The following CPM variants were observed in gnomAD, a reference collection of about 807,000 sequenced individuals.
CPM encodes renal carboxypeptidase.
A neutral mutation model predicts 46.4 loss-of-function variants in CPM; 35 were observed. The observed-to-expected ratio is 0.75, with a 90% confidence interval of 0.58 to 1.00. The LOEUF (loss-of-function observed/expected upper bound fraction) is 1.00. CPM is among the 50% of genes least tolerant of loss of function. CPM has a pLI of 0.00. For missense variants in CPM, 422 were observed against 530.4 expected, an observed-to-expected ratio of 0.80 and a Z score of 2.01; for synonymous variants, 195 against 195.3, an observed-to-expected ratio of 1.00 and a Z score of 0.01.
At chr12:68,951,346 CT>C (rs1311392173) in intron 1 of CPM, among the ~76,000 whole-genome samples, 2 of 152,154 alleles carry the variant, frequency 1.3e-5, no homozygotes, top group Non-Finnish European at 2.9e-5. Context: ...CCTGATCATG[CT>C]TAGGGTTTAG....
At chr12:68,864,959 G>A (rs1007454247) in intron 7 of CPM, among the ~76,000 whole-genome samples, 20 of 152,178 alleles carry the variant, frequency 1.3e-4, no homozygotes, top group Admixed American at 2.6e-4. Context: ...AAGGTACAGT[G>A]GGCAATGACT....
chr12:68,871,048 C>T (rs976322244), intron 4 of CPM, among the ~76,000 whole-genome samples: 2 of 152,208 alleles, frequency 1.3e-5, no homozygotes, highest in Non-Finnish European at 2.9e-5. Context: ...AAAGCAAACA[C>T]ATATATGTAA....
rs934166312 is a variant in CPM at position 68,876,919 on chromosome 12, TGAGA to T, written c.259-4967_259-4964del. On this transcript the variant is annotated intron_variant, in intron 3 of 8. Transcript: ENST00000551568. The stretch of plus-strand genomic sequence containing the variant: ...GTGTGTGTGTGTGTGTGTGTGTGTG[TGAGA>T]GAGAGAGAGAGAGAGAATCTTCAGC... 2.1e-4 allele frequency among the ~76,000 whole-genome samples: 14 copies of T among 66,088 alleles called. No individual in the cohort carries two copies. In the East Asian group the frequency reaches 3.4e-3, roughly 16 times the overall value. The allele number at this position is 66,088 out of a possible 152,430, so 43.4% of individuals were successfully genotyped here. A position where few individuals can be genotyped will look rare whatever the true frequency, so the allele number is the denominator to read the frequency against.
intron 2 of CPM, among the ~76,000 whole-genome samples, chr12:68,895,986 T>C (rs7968202): frequency 0.46 from 70,282 of 151,876 alleles, 17,371 homozygotes; most frequent in Non-Finnish European, 0.55. Context: ...CCCCATGGCA[T>C]TGAGATGGCA....
chr12:68,849,441 GTC>G (rs1232144780), downstream of CPM: 1 of 145,376 alleles, frequency 6.9e-6, no homozygotes, highest in Non-Finnish European at 1.5e-5. Flanking sequence ...TTTTGAGACA[GTC>G]TCTCACTCCA....
intron 2 of CPM, among the ~76,000 whole-genome samples, chr12:68,891,747 G>T (rs571951144): frequency 6.6e-6 from 1 of 151,590 alleles, no homozygotes; most frequent in African/African-American, 2.4e-5. Context: ...GTTTTTTTTT[G>T]AGGCAGAGTC....
At chr12:68,877,950 AG>A (rs1886031387) in intron 3 of CPM, among the ~76,000 whole-genome samples, 1 of 152,258 alleles carries the variant, frequency 6.6e-6, no homozygotes, top group African/African-American at 2.4e-5. Flanking sequence ...TATACTTAGA[AG>A]GTGTGTGAAA....
chr12:68,878,199 C>T (rs1347605619), intron 3 of CPM, among the ~76,000 whole-genome samples: 7 of 152,222 alleles, frequency 4.6e-5, no homozygotes, highest in East Asian at 1.9e-4. Context: ...CTCCATCTTG[C>T]GTCTAACCTT....
chr12:68,842,768 T>C (rs1883897923), intron 5 of CPM: 1 of 192,858 alleles, frequency 5.2e-6, no homozygotes. Context: ...AACCAACAGT[T>C]TGTATGAAAA....
chr12:68,899,092 G>C (rs1168150504), intron 2 of CPM, among the ~76,000 whole-genome samples: 1 of 152,192 alleles, frequency 6.6e-6, no homozygotes, highest in African/African-American at 2.4e-5. Flanking sequence ...CAGCAGAAAT[G>C]TATGTGCCAG....
chr12:68,944,427 A>C (rs1173861422), intron 1 of CPM, among the ~76,000 whole-genome samples: 1 of 152,140 alleles, frequency 6.6e-6, no homozygotes, highest in East Asian at 1.9e-4. Context: ...CTTTTTAGAC[A>C]GTTTCTTGCT....
Position 68,878,712 on chromosome 12 carries a change from C to T in CPM, c.259-6756G>A, listed in dbSNP as rs1020248658. On this transcript the variant is annotated intron_variant, in intron 3 of 8. Coordinates refer to ENST00000551568, the MANE Select transcript of CPM (RefSeq NM_198320.5). ...TTTAGTTGGCTTTGCATGAATTAAACTCTTTCTCTATCGCAATTCCCCTGT... is the reference window on the plus strand; with the variant it reads ...TTTAGTTGGCTTTGCATGAATTAAATTCTTTCTCTATCGCAATTCCCCTGT... Among the ~76,000 whole-genome samples, 20 of 152,308 alleles carry T rather than the reference C, an allele frequency of 1.3e-4. No individual in the cohort carries two copies. The Middle Eastern group carries it at 0.01, about 78-fold the overall frequency.
chr12:68,873,667 C>CAA (rs34150942), intron 3 of CPM, among the ~76,000 whole-genome samples: 18 of 69,248 alleles, frequency 2.6e-4, no homozygotes, highest in Non-Finnish European at 4.4e-4. Context: ...GACCCTGTCT[C>CAA]AAAAAAAAAA....
upstream of CPM, among the ~76,000 whole-genome samples, chr12:68,936,726 C>T (rs922420826): frequency 2.0e-5 from 3 of 152,002 alleles, no homozygotes; most frequent in Admixed American, 2.0e-4. Flanking sequence ...AAAGGTAAAA[C>T]CATAATAAAA....
upstream of CPM, among the ~76,000 whole-genome samples, chr12:68,934,392 C>A (rs554565671): frequency 6.6e-6 from 1 of 152,236 alleles, no homozygotes; most frequent in Admixed American, 6.5e-5. Flanking sequence ...AGATTCCCTG[C>A]CCCTTCTTTC....
chr12:68,892,511 C>T (rs1462121618), intron 2 of CPM, among the ~76,000 whole-genome samples: 2 of 152,162 alleles, frequency 1.3e-5, no homozygotes, highest in African/African-American at 4.8e-5. Context: ...GATCAGGCTG[C>T]TAGGTGTTCT....
At chr12:68,903,993 C>T (rs1887231174) in intron 2 of CPM, among the ~76,000 whole-genome samples, 1 of 151,974 alleles carries the variant, frequency 6.6e-6, no homozygotes, top group East Asian at 1.9e-4. Flanking sequence ...CTCAGGTGAT[C>T]CTCCCGCCTT....
chr12:68,856,428 C>T lies in CPM; in HGVS notation c.*9G>A, dbSNP rs1235530611. On this transcript the variant is annotated 3_prime_UTR_variant, in exon 9 of 9. Transcript: ENST00000551568. ...AGGTGGTGATGTGGGTTGAGTTTCA[C>T]ATTTTACTTTATTTGAAGAATATGT... The T allele has an allele frequency of 3.1e-6, 5 of 1,611,296 alleles. No individual in the cohort carries two copies. The highest frequency in any genetic ancestry group is 4.2e-6 in the Non-Finnish European group (5 of 1,178,406).
intron 3 of CPM, among the ~76,000 whole-genome samples, chr12:68,882,236 C>G (rs1159434072): frequency 6.6e-6 from 1 of 151,930 alleles, no homozygotes; most frequent in Non-Finnish European, 1.5e-5. Flanking sequence ...CCTCACCATC[C>G]TCCCACCCTC....
Sources: allele counts gnomAD v4.1 joint callset (sites outside exome capture counted in the v4.1 genomes callset), GRCh38; gene constraint gnomAD v4.1.1; transcripts MANE v1.5; gene names NCBI Gene and HGNC (gene_info 2026-07-23, HGNC 2026-07-21).